Variants in LITAF observed in about 807,000 individuals in gnomAD.
LITAF encodes lipopolysaccharide-induced tumor necrosis factor-alpha factor.
In LITAF, 9 loss-of-function variants were observed where a neutral mutation model predicts 14.5. The ratio of observed to expected loss-of-function variants is 0.62; its 90% CI spans 0.37 to 1.08. LITAF has a LOEUF of 1.08. LITAF is among the 50% of genes least tolerant of loss of function. The pLI is 0.01. For missense variants in LITAF, 206 were observed against 213.4 expected (o/e 0.97, Z 0.22); for synonymous variants, 98 against 88.2 (o/e 1.11, Z -0.62).
chr16:11,608,125 G>C (rs1282265403), intron 3 of LITAF, among the ~76,000 whole-genome samples: 2 of 152,256 alleles, frequency 1.3e-5, no homozygotes, highest in South Asian at 2.1e-4. Context: ...TTGCCATCTC[G>C]ATCCTCCTAG....
upstream of LITAF, among the ~76,000 whole-genome samples, chr16:11,637,650 G>C (rs1432707234): frequency 3.3e-5 from 5 of 152,128 alleles, no homozygotes; most frequent in East Asian, 9.7e-4. Flanking sequence ...TCCCAGCTGA[G>C]GTGGGAGGAT....
intron 3 of LITAF, among the ~76,000 whole-genome samples, chr16:11,621,360 AG>A (rs1429444995): frequency 6.6e-6 from 1 of 151,960 alleles, no homozygotes; most frequent in African/African-American, 2.4e-5. Context: ...CACTGCACCC[AG>A]CCCCAGCCAA....
chr16:11,550,278 TG>T (rs2064163874), intron 3 of LITAF, among the ~76,000 whole-genome samples: 1 of 152,152 alleles, frequency 6.6e-6, no homozygotes, highest in African/African-American at 2.4e-5. Context: ...TTAGGAGAGT[TG>T]GGGTTTCACC....
In LITAF at chr16:11,553,584, T is replaced by C. The variant is rs1482636497; in HGVS notation, c.326A>G (p.Tyr109Cys). 6.2e-7 allele frequency: 1 copy of C among 1,613,990 alleles called. No individual in the cohort carries two copies. Among genetic ancestry groups the C allele is most frequent in the Non-Finnish European group, 8.5e-7 (1 of 1,180,036 alleles). ...CAGCCAGGTCAGAGCACCGGCGTTA[T>C]AGGACAGCTGACTCACGATCATCTT... is the stretch of plus-strand genomic sequence containing the variant. The part of the protein sequence containing the change: ...CNKMIVSQLS[Y>C]NAGALTWLSC... The change falls in exon 3 of 4, where the codon TAT becomes TGT. Residue 109 changes from tyrosine (Y) to cysteine (C), a missense_variant. Physicochemically the swap from Tyr to Cys is radical, Grantham distance 194. Transcript: ENST00000622633. The surrounding 1 kb of genome is among the most constrained non-coding windows in gnomAD (Gnocchi z 7.7).
chr16:11,574,509 T>A (rs1401560515), intron 1 of LITAF, among the ~76,000 whole-genome samples: 1 of 152,146 alleles, frequency 6.6e-6, no homozygotes, highest in Non-Finnish European at 1.5e-5. Context: ...GCCATAGTAA[T>A]ATTACATATT....
At chr16:11,596,357 T>G (rs1250336922) in intron 1 of LITAF, among the ~76,000 whole-genome samples, 4 of 151,278 alleles carry the variant, frequency 2.6e-5, no homozygotes, top group African/African-American at 9.7e-5. Context: ...GGTGTCCTCT[T>G]GGCCACAGGG....
intron 1 of LITAF, among the ~76,000 whole-genome samples, chr16:11,564,848 A>G (rs1309589341): frequency 1.3e-5 from 2 of 152,152 alleles, no homozygotes; most frequent in African/African-American, 4.8e-5. Context: ...AGGTGAATTC[A>G]TAGAGATACA....
At chr16:11,637,906 A>AC (rs1440459548), upstream of LITAF, among the ~76,000 whole-genome samples, 199 of 63,490 alleles carry the variant, frequency 3.1e-3, 19 homozygotes, top group African/African-American at 0.026. Flanking sequence ...AACTATATAT[A>AC]TATATATCTA....
At chr16:11,622,249 C>T (rs915016894) in intron 3 of LITAF, among the ~76,000 whole-genome samples, 32 of 152,214 alleles carry the variant, frequency 2.1e-4, no homozygotes, top group African/African-American at 6.3e-4. Context: ...CCGCCTGGCA[C>T]GGCCACCCTC....
chr16:11,607,752 A>G (rs1287098790), intron 3 of LITAF, among the ~76,000 whole-genome samples: 1 of 152,222 alleles, frequency 6.6e-6, no homozygotes, highest in Non-Finnish European at 1.5e-5. Context: ...ACCAGGGTTC[A>G]TCAACCTTGG....
At chr16:11,637,946 CTATATATATCTATA>C (rs1567270855), upstream of LITAF, among the ~76,000 whole-genome samples, 23 of 59,048 alleles carry the variant, frequency 3.9e-4, 3 homozygotes, top group African/African-American at 2.9e-3. Context: ...ATCTATATAT[CTATATATATCTATA>C]TATATCTATA....
upstream of LITAF, among the ~76,000 whole-genome samples, chr16:11,637,994 CTATATATATCTA>C (rs1338197182): frequency 9.5e-5 from 4 of 41,966 alleles, no homozygotes; most frequent in East Asian, 5.0e-4. Context: ...CTATATATAT[CTATATATATCTA>C]TATATATCTA....
At chr16:11,628,300 C>T (rs374118363) in intron 3 of LITAF, among the ~76,000 whole-genome samples, 8 of 152,218 alleles carry the variant, frequency 5.3e-5, no homozygotes, top group African/African-American at 1.7e-4. Flanking sequence ...TCCATGTTTG[C>T]GTGTCTCCTC....
At chr16:11,639,899 C>G (rs906876097), upstream of LITAF, among the ~76,000 whole-genome samples, 6 of 152,138 alleles carry the variant, frequency 3.9e-5, no homozygotes, top group African/African-American at 1.4e-4. Flanking sequence ...CTCAGCCCCC[C>G]AAGTAGCTGG....
At position 11,548,830 on chromosome 16, in the gene LITAF, A is replaced by G. The variant is rs2064141471; in HGVS notation, c.*807T>C. ...ATCTCTGTTTTTTTTTAAAAAAAAG[A>G]AATTCTGTTCAAAAGTATTTCAGAC... On this transcript the variant is annotated 3_prime_UTR_variant, in exon 4 of 4. Coordinates refer to ENST00000622633, the MANE Select transcript of LITAF (RefSeq NM_001136472.2). 2.2e-6 allele frequency: 1 copy of G among 453,382 alleles called. No individual in the cohort carries two copies. Among genetic ancestry groups the G allele is most frequent in the Non-Finnish European group, 4.4e-6 (1 of 226,694 alleles). 28.1% of individuals were successfully genotyped at this position (453,382 alleles called of 1,614,324 possible).
At chr16:11,623,124 C>T (rs557414584) in intron 3 of LITAF, among the ~76,000 whole-genome samples, 274 of 151,482 alleles carry the variant, frequency 1.8e-3, no homozygotes, top group African/African-American at 5.9e-3. Flanking sequence ...CCACCACGCC[C>T]GGCTAATTTT....
rs1464479101 is a variant in LITAF, at chr16:11,553,407, T to C, written c.377+126A>G. 9.3e-7 allele frequency: 1 copy of C among 1,074,458 alleles called. No individual in the cohort carries two copies. The highest frequency in any genetic ancestry group is 1.4e-6 in the Non-Finnish European group (1 of 730,896). 66.6% of individuals were successfully genotyped at this position (1,074,458 alleles called of 1,614,324 possible). ...GCCTGGGCGACAGAACCAGATTCCATCTCAAAAAAAAACAACACAAATGTC... is the reference window on the plus strand; with the variant it reads ...GCCTGGGCGACAGAACCAGATTCCACCTCAAAAAAAAACAACACAAATGTC... On this transcript the variant is annotated intron_variant, in intron 3 of 3. Coordinates refer to ENST00000622633, the MANE Select transcript of LITAF (RefSeq NM_001136472.2). This position sits in a 1 kb window ranked among gnomAD's most constrained non-coding sequence, Gnocchi z 7.7.
At chr16:11,609,479 G>A (rs976163316) in intron 3 of LITAF, among the ~76,000 whole-genome samples, 25 of 152,122 alleles carry the variant, frequency 1.6e-4, no homozygotes, top group Admixed American at 9.2e-4. Context: ...CTCCCAAAGC[G>A]CTGGAATTAC....
chr16:11,598,848 C>A (rs2064910073), upstream of LITAF, among the ~76,000 whole-genome samples: 1 of 152,130 alleles, frequency 6.6e-6, no homozygotes, highest in Admixed American at 6.5e-5. Flanking sequence ...AAGACAGAGT[C>A]TCCCTCTGTC....
Sources: allele counts gnomAD v4.1 joint callset (sites outside exome capture counted in the v4.1 genomes callset), GRCh38; gene constraint gnomAD v4.1.1; non-coding constraint Gnocchi (gnomAD v3.1); transcripts MANE v1.5; gene names NCBI Gene and HGNC (gene_info 2026-07-23, HGNC 2026-07-21).